Variants in CATSPERB observed in about 807,000 individuals in gnomAD.
CATSPERB encodes the protein catsper channel auxiliary subunit beta.
CATSPERB carries 93 observed loss-of-function variants against 128.3 expected under a neutral mutation model. The observed-to-expected ratio is 0.72, with a 90% CI of 0.61 to 0.86. CATSPERB has a LOEUF of 0.86. CATSPERB is among the 40% of genes least tolerant of loss of function. The pLI is 0.00. For missense variants in CATSPERB, 1,153 were observed against 1,329.5 expected, an observed-to-expected ratio of 0.87 and a Z score of 2.06; for synonymous variants, 381 against 448.8, an observed-to-expected ratio of 0.85 and a Z score of 1.91.
Position 91,624,952 on chromosome 14 carries a change from A to G in CATSPERB, c.1798T>C (p.Phe600Leu), listed in dbSNP as rs1894130374. The G allele has an allele frequency of 1.2e-6, 2 of 1,611,568 alleles. No homozygotes were observed. Among genetic ancestry groups the G allele is most frequent in the African/African-American group, 2.7e-5 (2 of 74,780 alleles). Reference sequence around the variant, plus strand: ...ATTTCTGCAATAACTGAGGACAAAAATCCTTTAGGAGTCGTATGTTGCAAT... The same window carrying G: ...ATTTCTGCAATAACTGAGGACAAAAGTCCTTTAGGAGTCGTATGTTGCAAT... ...KVLQHTTPKGFLSSVIAEMKE... is the reference protein window; with the variant it reads ...KVLQHTTPKGLLSSVIAEMKE... Residue 600 changes from phenylalanine to leucine, a missense_variant, in exon 18 of 27, where the codon TTT becomes CTT. Phe to Leu is a conservative substitution (Grantham distance 22). Transcript: ENST00000256343.
At chr14:91,586,257 C>T (rs906079517) in intron 26 of CATSPERB, among the ~76,000 whole-genome samples, 1 of 152,154 alleles carries the variant, frequency 6.6e-6, no homozygotes, top group African/African-American at 2.4e-5. Flanking sequence ...CCCTTGTTCT[C>T]TGGAAAGAAA....
chr14:91,702,020 C>T (rs780964496), intron 7 of CATSPERB, among the ~76,000 whole-genome samples: 13 of 152,042 alleles, frequency 8.6e-5, no homozygotes, highest in Non-Finnish European at 1.6e-4. Flanking sequence ...GTGCTTTCAC[C>T]TAAAGAACCT....
intron 15 of CATSPERB, among the ~76,000 whole-genome samples, chr14:91,650,966 AT>A (rs1894695160): frequency 6.6e-6 from 1 of 151,974 alleles, no homozygotes; most frequent in Non-Finnish European, 1.5e-5. Context: ...CTTAGGTGTT[AT>A]TTTTACTGTT....
intron 1 of CATSPERB, among the ~76,000 whole-genome samples, chr14:91,730,960 T>C (rs1896200174): frequency 6.6e-6 from 1 of 152,184 alleles, no homozygotes; most frequent in Non-Finnish European, 1.5e-5. Flanking sequence ...AAATGGTAGA[T>C]TAAAATTCTG....
chr14:91,702,360 C>T (rs1011711522), intron 7 of CATSPERB, among the ~76,000 whole-genome samples: 1 of 150,314 alleles, frequency 6.7e-6, no homozygotes, highest in African/African-American at 2.4e-5. Flanking sequence ...CAAAAAAAAT[C>T]GCGGTTTTTG....
At chr14:91,646,848 C>T (rs917220581) in intron 15 of CATSPERB, among the ~76,000 whole-genome samples, 1 of 152,186 alleles carries the variant, frequency 6.6e-6, no homozygotes, top group Non-Finnish European at 1.5e-5. Flanking sequence ...TGGATATTTG[C>T]TATAGCTTCT....
intron 11 of CATSPERB, 74 bp from the exon 12 acceptor site, chr14:91,674,296 T>A: frequency 1.2e-6 from 1 of 835,468 alleles, no homozygotes; most frequent in Non-Finnish European, 2.0e-6. Flanking sequence ...TTAGTCTTAA[T>A]AGTCTTCATG....
chr14:91,727,040 T>C (rs1198842446), intron 2 of CATSPERB, among the ~76,000 whole-genome samples: 1 of 152,144 alleles, frequency 6.6e-6, no homozygotes, highest in African/African-American at 2.4e-5. Flanking sequence ...AATTATAAAA[T>C]AAGAGTTAAA....
At chr14:91,650,923 A>T (rs1302589818) in intron 15 of CATSPERB, among the ~76,000 whole-genome samples, 1 of 151,916 alleles carries the variant, frequency 6.6e-6, no homozygotes, top group African/African-American at 2.4e-5. Context: ...ATAATTTTTA[A>T]TATTCTATAA....
intron 22 of CATSPERB, among the ~76,000 whole-genome samples, chr14:91,594,152 A>C (rs1214432115): frequency 6.6e-6 from 1 of 152,224 alleles, no homozygotes; most frequent in Non-Finnish European, 1.5e-5. Context: ...CAGCCATAAA[A>C]AATGATGAGT....
chr14:91,716,182 C>T (rs191495107), intron 5 of CATSPERB, among the ~76,000 whole-genome samples: 60 of 152,236 alleles, frequency 3.9e-4, no homozygotes, highest in African/African-American at 1.3e-3. Context: ...TGGTAACACC[C>T]ATATCCAGAA....
intron 13 of CATSPERB, among the ~76,000 whole-genome samples, chr14:91,671,398 A>T (rs56394967): frequency 0.4 from 60,126 of 151,820 alleles, 12,073 homozygotes; most frequent in Middle Eastern, 0.54. Context: ...ACATGACAAA[A>T]CCCCATCTCT....
In CATSPERB at chr14:91,621,661, A is replaced by G. The variant is rs148042624; in HGVS notation, c.2207T>C (p.Ile736Thr). The G allele has an allele frequency of 1.3e-5, 21 of 1,613,260 alleles. No individual in the cohort carries two copies. Among genetic ancestry groups the G allele is most frequent in the African/African-American group, 6.7e-5 (5 of 74,918 alleles). Residue 736 changes from isoleucine (I) to threonine (T), a missense_variant, in exon 19 of 27, where the codon ATT becomes ACT. By Grantham distance (89) the Ile-to-Thr change is moderately conservative. Transcript: ENST00000256343. ...TAAAACATAAGAGTTTCCCAGATCA[A>G]TGTATTTCACGATGTTGAGGGATGG... ...DSPSLNIVKY[I>T]DLGNSYVLKA...
intron 15 of CATSPERB, among the ~76,000 whole-genome samples, chr14:91,651,416 T>C (rs1475344394): frequency 2.0e-5 from 3 of 152,254 alleles, no homozygotes; most frequent in East Asian, 3.8e-4. Context: ...CTGGATATTT[T>C]ACTATCACTG....
chr14:91,603,493 C>A, intron 22 of CATSPERB: 2 of 1,092,858 alleles, frequency 1.8e-6, no homozygotes, highest in Non-Finnish European at 2.8e-6. Flanking sequence ...AAAGTGTGGG[C>A]AAAACTCTGC....
intron 19 of CATSPERB, among the ~76,000 whole-genome samples, chr14:91,619,861 TTGTGTG>T (rs55687285): frequency 0.043 from 5,927 of 139,020 alleles, 210 homozygotes; most frequent in East Asian, 0.1. Flanking sequence ...TGTAATAAAA[TTGTGTG>T]TGTGTGTGTG....
chr14:91,712,775 A>T (rs1169765654), intron 5 of CATSPERB, among the ~76,000 whole-genome samples: 2 of 152,230 alleles, frequency 1.3e-5, no homozygotes, highest in African/African-American at 4.8e-5. Flanking sequence ...CCATTTCTTC[A>T]CAAGGTGCAC....
chr14:91,655,925 A>AG (rs1894778716), intron 15 of CATSPERB, among the ~76,000 whole-genome samples: 2 of 152,210 alleles, frequency 1.3e-5, no homozygotes, highest in South Asian at 4.1e-4. Flanking sequence ...TCAAGGATAA[A>AG]GAAAGGATCC....
chr14:91,599,544 G>C (rs373635732), intron 22 of CATSPERB, among the ~76,000 whole-genome samples: 1 of 19,488 alleles, frequency 5.1e-5, no homozygotes, highest in Non-Finnish European at 1.1e-4. Context: ...GGGCGGCAGA[G>C]CAAAAAAAAA....
Sources: allele counts gnomAD v4.1 joint callset (sites outside exome capture counted in the v4.1 genomes callset), GRCh38; gene constraint gnomAD v4.1.1; transcripts MANE v1.5; gene names NCBI Gene and HGNC (gene_info 2026-07-23, HGNC 2026-07-21).